GRID2: variants seen among roughly 807,000 people sequenced by gnomAD.
GRID2 encodes glutamate receptor ionotropic, delta-2.
GRID2 carries 33 observed loss-of-function variants against 114.8 expected under a neutral mutation model. That is an observed-to-expected ratio of 0.29 (90% CI 0.22 to 0.38). The LOEUF (loss-of-function observed/expected upper bound fraction) is 0.38, where lower values mean the gene tolerates loss of function less well. GRID2 is among the 10% of genes least tolerant of loss of function. The probability of loss-of-function intolerance (pLI) is 1.00; values close to 1 mark genes in which losing one functional copy is unlikely to be tolerated. For synonymous variants in GRID2, 505 were observed against 449.9 expected (o/e 1.12, Z -1.55); for missense variants, 1,184 against 1,257.7 (o/e 0.94, Z 0.89).
At chr4:92,991,896 A>G (rs1408717220) in intron 2 of GRID2, among the ~76,000 whole-genome samples, 1 of 152,232 alleles carries the variant, frequency 6.6e-6, no homozygotes, top group Non-Finnish European at 1.5e-5. Flanking sequence ...TACAGGATAC[A>G]TAGGAGTGAT....
rs114610545 is a variant in GRID2 at position 93,458,844 on chromosome 4, C to G, written c.1858+2870C>G. On this transcript the variant is annotated intron_variant, in intron 11 of 15. Transcript: ENST00000282020. ...AGTAGATCATGGGGTATATGGAGAA[C>G]TAGAAAGAGAAGGACCAAGAATGCG... Among the ~76,000 whole-genome samples, 1,056 of 151,912 alleles carry G rather than the reference C, an allele frequency of 7.0e-3. 9 individuals are homozygous for G. Among genetic ancestry groups the G allele is most frequent in the African/African-American group, 0.024 (976 of 41,434 alleles).
chr4:92,997,910 T>G (rs1755301731), intron 2 of GRID2, among the ~76,000 whole-genome samples: 1 of 152,070 alleles, frequency 6.6e-6, no homozygotes, highest in Non-Finnish European at 1.5e-5. Flanking sequence ...TGAAATGTAT[T>G]TATTACTCAC....
chr4:92,630,157 A>C (rs912022974), intron 2 of GRID2, among the ~76,000 whole-genome samples: 1 of 152,012 alleles, frequency 6.6e-6, no homozygotes, highest in African/African-American at 2.4e-5. Context: ...AATAGGCTAT[A>C]AGGAAATCAC....
At chr4:93,366,421 T>C (rs538654015) in intron 8 of GRID2, among the ~76,000 whole-genome samples, 48 of 152,128 alleles carry the variant, frequency 3.2e-4, no homozygotes, top group Admixed American at 3.0e-3. Context: ...GAAGAGGAAA[T>C]TCCCGCCTAA....
At chr4:92,380,430 G>T (rs1729563388) in intron 1 of GRID2, among the ~76,000 whole-genome samples, 1 of 151,834 alleles carries the variant, frequency 6.6e-6, no homozygotes. Flanking sequence ...CAGATCTTTT[G>T]TGAAGATTAA....
intron 1 of GRID2, among the ~76,000 whole-genome samples, chr4:92,326,823 G>C (rs1049917773): frequency 4.6e-5 from 7 of 151,940 alleles, no homozygotes; most frequent in Non-Finnish European, 1.0e-4. Context: ...AATACTGTCC[G>C]ATATCTGTGC....
intron 14 of GRID2, among the ~76,000 whole-genome samples, chr4:93,754,515 AC>A (rs1482746394): frequency 6.6e-6 from 1 of 152,152 alleles, no homozygotes; most frequent in Admixed American, 6.5e-5. Context: ...AAATCAGTAT[AC>A]TTTTATCAAA....
At chr4:92,959,546 A>G (rs570734210) in intron 2 of GRID2, among the ~76,000 whole-genome samples, 239 of 152,246 alleles carry the variant, frequency 1.6e-3, no homozygotes, top group Non-Finnish European at 2.6e-3. Flanking sequence ...CTATAAAGAC[A>G]CATTCACATT....
At chr4:93,743,392 T>A (rs1280219989) in intron 14 of GRID2, among the ~76,000 whole-genome samples, 1 of 152,240 alleles carries the variant, frequency 6.6e-6, no homozygotes, top group Non-Finnish European at 1.5e-5. Context: ...GTGGCTACAC[T>A]AAACAACAGA....
rs539859863 is a variant in GRID2 at position 93,346,257 on chromosome 4, T to C, written c.1246-49350T>C. ...TTATGGCAACAGATTTTTACAATTA[T>C]ATAATGAAAAGCAAAGAGAAAATTA... On this transcript the variant is annotated intron_variant, in intron 8 of 15. Coordinates refer to ENST00000282020, the MANE Select transcript of GRID2 (RefSeq NM_001510.4). Among the ~76,000 whole-genome samples, 12 of 152,300 alleles carry C rather than the reference T, an allele frequency of 7.9e-5. No homozygotes were observed. In the South Asian group the frequency reaches 2.5e-3, roughly 32 times the overall value.
In GRID2 at chr4:93,455,647, C is replaced by A; in HGVS notation, c.1546-15C>A. 6.3e-7 allele frequency: 1 copy of A among 1,582,710 alleles called. No homozygotes were observed. Among genetic ancestry groups the A allele is most frequent in the Middle Eastern group, 1.7e-4 (1 of 6,000 alleles). ...TCACACTGTTAATGTATTCCTTTCT[C>A]TTTCAATTTCTCAGAGAGCCGACAT... On this transcript the variant is annotated splice_polypyrimidine_tract_variant and intron_variant, in intron 10 of 15. Transcript: ENST00000282020.
At chr4:92,475,482 C>G (rs1042810868) in intron 1 of GRID2, among the ~76,000 whole-genome samples, 2 of 151,564 alleles carry the variant, frequency 1.3e-5, no homozygotes, top group African/African-American at 4.8e-5. Flanking sequence ...AATGGCAGTA[C>G]ATGTGTGGAT....
At chr4:93,228,144 T>G (rs1264794545) in intron 7 of GRID2, among the ~76,000 whole-genome samples, 1 of 152,160 alleles carries the variant, frequency 6.6e-6, no homozygotes. Flanking sequence ...CTCTCTTGAT[T>G]TGTCTTCTGC....
chr4:93,593,642 CAG>C (rs1317524022), intron 13 of GRID2, among the ~76,000 whole-genome samples: 2 of 151,728 alleles, frequency 1.3e-5, no homozygotes, highest in Non-Finnish European at 2.9e-5. Flanking sequence ...TAATATCCTG[CAG>C]AGTGTTTTCC....
At chr4:92,729,640 C>T (rs1736236232) in intron 2 of GRID2, among the ~76,000 whole-genome samples, 1 of 152,002 alleles carries the variant, frequency 6.6e-6, no homozygotes, top group Non-Finnish European at 1.5e-5. Context: ...ATTTTTAAAA[C>T]TCATTTGACC....
chr4:93,614,696 GT>G lies in GRID2; in HGVS notation c.2194-11565del, dbSNP rs550958133. On this transcript the variant is annotated intron_variant, in intron 13 of 15. Transcript: ENST00000282020. ...AAAAGTATAACAATATTTTAATAAGGTTTTTTTTCTGTCCTCTGATACAGCA... is the reference window on the plus strand; with the variant it reads ...AAAAGTATAACAATATTTTAATAAGGTTTTTTTCTGTCCTCTGATACAGCA... 7.9e-5 allele frequency among the ~76,000 whole-genome samples: 12 copies of G among 151,680 alleles called. No individual in the cohort carries two copies. The East Asian group carries it at 2.3e-3, about 29-fold the overall frequency.
chr4:93,384,142 G>T (rs1254964988), intron 8 of GRID2, among the ~76,000 whole-genome samples: 1 of 152,032 alleles, frequency 6.6e-6, no homozygotes, highest in African/African-American at 2.4e-5. Context: ...ATGGCCAAAG[G>T]GGAAGGCAAC....
intron 2 of GRID2, among the ~76,000 whole-genome samples, chr4:93,026,360 C>T (rs1360936956): frequency 6.6e-6 from 1 of 151,808 alleles, no homozygotes; most frequent in Non-Finnish European, 1.5e-5. Context: ...TATGCATCAC[C>T]AGGGAACAAT....
chr4:92,561,194 T>C (rs1055585547), intron 1 of GRID2, among the ~76,000 whole-genome samples: 3 of 152,242 alleles, frequency 2.0e-5, no homozygotes, highest in African/African-American at 7.2e-5. Context: ...TGGAAGTCTT[T>C]GAAAAGTCCT....
Sources: gnomAD v4.1 joint callset for allele counts (sites outside exome capture counted in the v4.1 genomes callset) on GRCh38, gnomAD v4.1.1 for gene constraint, MANE v1.5 for transcripts, NCBI Gene and HGNC (gene_info 2026-07-23, HGNC 2026-07-21) for gene names.